The following AKR1B15 variants were observed in gnomAD, a reference collection of about 807,000 sequenced individuals.
AKR1B15 encodes the protein aldo-keto reductase family 1 member B15.
In AKR1B15, 49 loss-of-function variants were observed where a neutral mutation model predicts 38.5. The ratio of observed to expected loss-of-function variants is 1.27; its 90% CI spans 1.01 to 1.62. The LOEUF is 1.62. Among genes scored for constraint, AKR1B15 ranks in the 40% most tolerant of loss-of-function variants. The probability of loss-of-function intolerance (pLI) is 0.00; values close to 1 mark genes in which losing one functional copy is unlikely to be tolerated. For missense variants in AKR1B15, 411 were observed against 381.6 expected, an observed-to-expected ratio of 1.08 and a Z score of -0.64; for synonymous variants, 137 against 135.5, an observed-to-expected ratio of 1.01 and a Z score of -0.08.
chr7:134,575,260 G>C (rs1794742402), intron 6 of AKR1B15, among the ~76,000 whole-genome samples, 160 bp from the exon 7 acceptor site: 2 of 152,140 alleles, frequency 1.3e-5, no homozygotes, highest in Non-Finnish European at 2.9e-5. Context: ...ACCAATCACT[G>C]ATGGGCACCC....
intron 2 of AKR1B15, among the ~76,000 whole-genome samples, chr7:134,558,140 G>A (rs1045570778): frequency 6.6e-6 from 1 of 152,082 alleles, no homozygotes; most frequent in Non-Finnish European, 1.5e-5. Flanking sequence ...GCAGTTCTCC[G>A]GGTTTATGGG....
chr7:134,579,627 T>C lies in AKR1B15; in HGVS notation c.*78T>C. On this transcript the variant is annotated 3_prime_UTR_variant, in exon 12 of 12. Coordinates refer to ENST00000457545, the MANE Select transcript of AKR1B15 (RefSeq NM_001080538.3). ...GTGACTGTCTCCACTCAAGAACTAT[T>C]TTAGCCAAGCTTATCTGAGATCACA... is the stretch of plus-strand genomic sequence containing the variant. 1.5e-6 allele frequency: 2 copies of C among 1,336,208 alleles called. No homozygotes were observed. Among genetic ancestry groups the C allele is most frequent in the Non-Finnish European group, 2.0e-6 (2 of 976,120 alleles). 82.8% of individuals were successfully genotyped at this position (1,336,208 alleles called of 1,614,324 possible). A position where few individuals can be genotyped will look rare whatever the true frequency, so the allele number is the denominator to read the frequency against.
intron 4 of AKR1B15, among the ~76,000 whole-genome samples, chr7:134,568,602 C>T (rs1794597036): frequency 6.6e-6 from 1 of 152,134 alleles, no homozygotes; most frequent in South Asian, 2.1e-4. Flanking sequence ...CTACCATCTG[C>T]CCAGAGGCAG....
intron 1 of AKR1B15, among the ~76,000 whole-genome samples, chr7:134,553,718 T>G (rs1794081635): frequency 6.6e-6 from 1 of 152,234 alleles, no homozygotes; most frequent in Non-Finnish European, 1.5e-5. Context: ...TAAATCCAGC[T>G]ACCTTGTTCC....
At chr7:134,571,930 A>G (rs1034418246) in intron 6 of AKR1B15, among the ~76,000 whole-genome samples, 1 of 152,184 alleles carries the variant, frequency 6.6e-6, no homozygotes, top group Non-Finnish European at 1.5e-5. Flanking sequence ...GGGAATACAC[A>G]TGCTGTTCTC....
In AKR1B15 at chr7:134,569,497, G is replaced by T; in HGVS notation, c.403G>T (p.Val135Phe). 2 of 1,614,042 alleles carry T rather than the reference G, an allele frequency of 1.2e-6. No homozygotes were observed. The change falls in exon 5 of 12, where the codon GTC becomes TTC. Residue 135 changes from valine to phenylalanine, a missense_variant. By Grantham distance (50) the Val-to-Phe change is conservative (BLOSUM62 -1). This residue lies in a region of AKR1B15 where 254 missense variants were observed against 212.4 expected (regional missense o/e 1.20). Transcript: ENST00000457545. ...GGACCTGAAGCTGAGCTATCTGGACGTCTATCTTATTCACTGGCCACAGGG... is the reference window on the plus strand; with the variant it reads ...GGACCTGAAGCTGAGCTATCTGGACTTCTATCTTATTCACTGGCCACAGGG... ...LKDLKLSYLD[V>F]YLIHWPQGFK... is the part of the protein sequence containing the mutation.
chr7:134,563,192 G>A (rs1406271207), intron 2 of AKR1B15, among the ~76,000 whole-genome samples: 1 of 152,116 alleles, frequency 6.6e-6, no homozygotes, highest in African/African-American at 2.4e-5. Context: ...ACAAAAGCCT[G>A]GAATGGATTT....
chr7:134,575,278 G>A, intron 6 of AKR1B15, 142 bp from the exon 7 acceptor site: 2 of 1,372,294 alleles, frequency 1.5e-6, no homozygotes, highest in Non-Finnish European at 1.9e-6. Context: ...CCCAGGCCCT[G>A]GACTGAAATT....
rs2551478 is a variant in AKR1B15, at chr7:134,577,567, T to C, written c.910-137T>C. On this transcript the variant is annotated intron_variant, in intron 10 of 11. Coordinates refer to ENST00000457545, the MANE Select transcript of AKR1B15 (RefSeq NM_001080538.3). ...TAATTTAGAGAAAAATTTGTATCCC[T>C]TGGACAGAATGGGAAAAACTCCTAT... 1,225 of 975,164 alleles carry C rather than the reference T, an allele frequency of 1.3e-3. 15 individuals are homozygous for C. In the African/African-American group the frequency reaches 0.018, roughly 15 times the overall value. The allele number at this position is 975,164 out of a possible 1,614,324, so 60.4% of individuals were successfully genotyped here.
intron 9 of AKR1B15, among the ~76,000 whole-genome samples, 185 bp downstream of exon 9, chr7:134,576,615 A>T (rs1420254038): frequency 6.6e-6 from 1 of 152,046 alleles, no homozygotes; most frequent in African/African-American, 2.4e-5. Context: ...TGAAGCAAAG[A>T]TAGCTTCTGT....
intron 6 of AKR1B15, among the ~76,000 whole-genome samples, chr7:134,573,156 A>G (rs943359306): frequency 4.6e-5 from 7 of 152,136 alleles, no homozygotes; most frequent in Non-Finnish European, 1.0e-4. Context: ...TTGGCCTTCC[A>G]AGTAGCTGGG....
At chr7:134,570,273 G>A (rs980447420) in intron 5 of AKR1B15, 1 of 152,150 alleles carries the variant, frequency 6.6e-6, no homozygotes, top group Non-Finnish European at 1.5e-5. Context: ...CCTGTCTCCT[G>A]ATAAGACGTT....
chr7:134,567,051 C>T (rs554447554), intron 3 of AKR1B15, among the ~76,000 whole-genome samples: 23 of 152,170 alleles, frequency 1.5e-4, no homozygotes, highest in Non-Finnish European at 2.6e-4. Flanking sequence ...GGATTATGAA[C>T]TTAGCAGTGG....
chr7:134,562,854 CTTTCTTTCTTTCTT>C (rs1562946993), intron 2 of AKR1B15, among the ~76,000 whole-genome samples: 2 of 133,542 alleles, frequency 1.5e-5, no homozygotes, highest in African/African-American at 6.3e-5. Flanking sequence ...TTCTTTCTTT[CTTTCTTTCTTTCTT>C]TCTTTCTTTC....
intron 3 of AKR1B15, among the ~76,000 whole-genome samples, chr7:134,566,983 A>G (rs1175211269): frequency 1.3e-5 from 2 of 152,218 alleles, no homozygotes; most frequent in African/African-American, 4.8e-5. Context: ...GAATTTTGGA[A>G]TTGAATGTAA....
At chr7:134,577,169 T>C (rs370965001) in intron 10 of AKR1B15, 123 bp downstream of exon 10, 6 of 1,034,540 alleles carry the variant, frequency 5.8e-6, no homozygotes, top group South Asian at 3.0e-5. Context: ...CACCACCCTA[T>C]CATTTTCCAG....
In AKR1B15 at chr7:134,573,589, T is replaced by C. The variant is rs923307460; in HGVS notation, c.514-1831T>C. 31 of 973,248 alleles carry C rather than the reference T, an allele frequency of 3.2e-5. No individual in the cohort carries two copies. In the African/African-American group the frequency reaches 5.3e-4, roughly 17 times the overall value. 60.3% of individuals were successfully genotyped at this position (973,248 alleles called of 1,614,324 possible). On this transcript the variant is annotated intron_variant, in intron 6 of 11. Coordinates refer to ENST00000457545, the MANE Select transcript of AKR1B15 (RefSeq NM_001080538.3). ...CACAACCAGTTCAGTAGAAACCTCA[T>C]TGACTACCCTGAAGCAGAGGGGAGG...
intron 2 of AKR1B15, among the ~76,000 whole-genome samples, chr7:134,558,618 C>T (rs1286942368): frequency 6.6e-6 from 1 of 152,140 alleles, no homozygotes; most frequent in South Asian, 2.1e-4. Context: ...TTTAGAAACT[C>T]GATTGCCATG....
chr7:134,579,451 G>A (rs1309163499), intron 11 of AKR1B15, 56 bp from the exon 12 acceptor site: 18 of 1,447,610 alleles, frequency 1.2e-5, no homozygotes, highest in African/African-American at 7.2e-5. Context: ...CCTTCTCAGC[G>A]AGAGTTGTTG....
Sources: gnomAD v4.1 joint callset for allele counts (sites outside exome capture counted in the v4.1 genomes callset) on GRCh38, gnomAD v4.1.1 for gene constraint, gnomAD v4.1.1 regional missense constraint, MANE v1.5 for transcripts, NCBI Gene and HGNC (gene_info 2026-07-23, HGNC 2026-07-21) for gene names.